Variants in KIAA0825 observed in about 807,000 individuals in gnomAD.
The protein encoded by KIAA0825 is uncharacterized protein KIAA0825.
KIAA0825 carries 119 observed loss-of-function variants against 147.6 expected under a neutral mutation model. The ratio of observed to expected loss-of-function variants is 0.81; its 90% CI spans 0.69 to 0.94. The LOEUF (loss-of-function observed/expected upper bound fraction) is 0.94. Among genes scored for constraint, KIAA0825 ranks in the 40% least tolerant of loss-of-function variants. KIAA0825 has a pLI of 0.00. For synonymous variants in KIAA0825, 470 were observed against 518.1 expected (o/e 0.91, Z 1.26); for missense variants, 1,381 against 1,472.7 (o/e 0.94, Z 1.02).
chr5:94,324,768 A>G (rs1584117128), intron 20 of KIAA0825, among the ~76,000 whole-genome samples: 1 of 151,860 alleles, frequency 6.6e-6, no homozygotes, highest in East Asian at 1.9e-4. Flanking sequence ...TTTAAGCACC[A>G]TATTATAGTC....
chr5:94,353,244 T>G (rs1339210296), intron 20 of KIAA0825, among the ~76,000 whole-genome samples: 1 of 152,192 alleles, frequency 6.6e-6, no homozygotes, highest in East Asian at 1.9e-4. Context: ...CTACTTAACA[T>G]TTTAAAAGAT....
intron 18 of KIAA0825, among the ~76,000 whole-genome samples, chr5:94,389,310 C>T (rs1749588511): frequency 6.6e-6 from 1 of 152,156 alleles, no homozygotes; most frequent in South Asian, 2.1e-4. Context: ...CCTGCCCAGC[C>T]CACTACCATT....
chr5:94,229,564 CT>C (rs1278900040), intron 20 of KIAA0825, among the ~76,000 whole-genome samples: 1 of 136,518 alleles, frequency 7.3e-6, no homozygotes, highest in Admixed American at 7.3e-5. Flanking sequence ...ATTTTCTGTT[CT>C]CTTTTTTTTT....
chr5:94,440,437 A>G (rs929299718), intron 13 of KIAA0825, among the ~76,000 whole-genome samples: 23 of 152,170 alleles, frequency 1.5e-4, no homozygotes, highest in African/African-American at 5.5e-4. Context: ...CATTTTTTGA[A>G]TGCATTCATT....
At chr5:94,539,298 C>T (rs1297895169) in intron 2 of KIAA0825, among the ~76,000 whole-genome samples, 2 of 152,302 alleles carry the variant, frequency 1.3e-5, no homozygotes, top group South Asian at 2.1e-4. Flanking sequence ...GCCCATGGGG[C>T]TGCTCTGTCT....
intron 2 of KIAA0825, among the ~76,000 whole-genome samples, chr5:94,564,260 A>G (rs532893108): frequency 8.2e-6 from 1 of 121,260 alleles, no homozygotes; most frequent in Non-Finnish European, 1.6e-5. Flanking sequence ...TCTGTCACCC[A>G]GGCTGGAATG....
intron 20 of KIAA0825, among the ~76,000 whole-genome samples, chr5:94,351,986 T>C (rs1321190018): frequency 6.6e-6 from 1 of 152,076 alleles, no homozygotes; most frequent in Non-Finnish European, 1.5e-5. Flanking sequence ...GAAGATAACA[T>C]TGGAAAAAAC....
At chr5:94,205,411 C>T (rs1317165734) in intron 20 of KIAA0825, among the ~76,000 whole-genome samples, 3 of 151,074 alleles carry the variant, frequency 2.0e-5, no homozygotes, top group Admixed American at 6.6e-5. Context: ...ATGCCATTCT[C>T]CTGCCTCAGC....
At chr5:94,524,226 G>A in intron 3 of KIAA0825, 128 bp from the exon 4 acceptor site, 1 of 483,686 alleles carries the variant, frequency 2.1e-6, no homozygotes, top group Non-Finnish European at 3.5e-6. Flanking sequence ...TCATTCATAT[G>A]ATATGAAAAT....
At chr5:94,410,730 A>C (rs1413059077) in intron 15 of KIAA0825, among the ~76,000 whole-genome samples, 5 of 152,192 alleles carry the variant, frequency 3.3e-5, no homozygotes, top group African/African-American at 1.2e-4. Flanking sequence ...AAGAACAAAA[A>C]AATTCTGAAC....
intron 20 of KIAA0825, among the ~76,000 whole-genome samples, chr5:94,216,774 AT>A (rs1314853031): frequency 2.0e-5 from 3 of 152,042 alleles, no homozygotes; most frequent in Admixed American, 6.6e-5. Context: ...TAGCTTCCTA[AT>A]TTTTTTTCAC....
chr5:94,612,719 T>C (rs1272224092), intron 1 of KIAA0825, among the ~76,000 whole-genome samples: 2 of 152,156 alleles, frequency 1.3e-5, no homozygotes, highest in African/African-American at 2.4e-5. Context: ...ATTTTACAAA[T>C]AATGAAACAG....
chr5:94,204,326 C>T (rs546789155), intron 20 of KIAA0825, among the ~76,000 whole-genome samples: 7 of 152,144 alleles, frequency 4.6e-5, no homozygotes, highest in Admixed American at 4.6e-4. Context: ...AAGTAGTTAC[C>T]CAAGACAATG....
intron 1 of KIAA0825, among the ~76,000 whole-genome samples, chr5:94,599,142 ATT>A (rs1785859275): frequency 6.6e-6 from 1 of 151,894 alleles, no homozygotes; most frequent in African/African-American, 2.4e-5. Context: ...AGCATTTGGT[ATT>A]TTTTGTCTTT....
chr5:94,545,229 G>A (rs866580934), intron 2 of KIAA0825, among the ~76,000 whole-genome samples: 5 of 152,246 alleles, frequency 3.3e-5, no homozygotes, highest in Middle Eastern at 3.4e-3. Context: ...TGCAATCGTT[G>A]CCACCACAGG....
intron 10 of KIAA0825, among the ~76,000 whole-genome samples, chr5:94,467,231 T>C (rs1760662487): frequency 6.6e-6 from 1 of 152,248 alleles, no homozygotes; most frequent in Non-Finnish European, 1.5e-5. Context: ...ACAACTTCAA[T>C]GTATGCAAGG....
intron 20 of KIAA0825, among the ~76,000 whole-genome samples, chr5:94,195,481 A>T (rs1433742718): frequency 6.6e-6 from 1 of 152,222 alleles, no homozygotes; most frequent in African/African-American, 2.4e-5. Flanking sequence ...GTGTGTGTGC[A>T]ATTAAAACAG....
Position 94,249,884 on chromosome 5 carries a change from G to A in KIAA0825, c.3711-95760C>T, listed in dbSNP as rs144928904. Among the ~76,000 whole-genome samples the A allele has an allele frequency of 6.4e-3, 969 of 151,204 alleles. 4 individuals carry two copies. The highest frequency in any genetic ancestry group is 0.021 in the Middle Eastern group (6 of 292). On this transcript the variant is annotated intron_variant, in intron 20 of 20. Coordinates refer to ENST00000682413, the MANE Select transcript of KIAA0825 (RefSeq NM_001145678.3). ...TTAAAATGTAAATTCCACAACAGGA[G>A]GACTTTATCTTGTTCACTCTGTCTT...
intron 20 of KIAA0825, among the ~76,000 whole-genome samples, chr5:94,221,928 A>G (rs969265026): frequency 1.3e-5 from 2 of 151,888 alleles, no homozygotes; most frequent in African/African-American, 4.8e-5. Context: ...ATCAAGGCCC[A>G]TTTTTTTCTC....
Sources: gnomAD v4.1 joint callset for allele counts (sites outside exome capture counted in the v4.1 genomes callset) on GRCh38, gnomAD v4.1.1 for gene constraint, MANE v1.5 for transcripts, NCBI Gene and HGNC (gene_info 2026-07-23, HGNC 2026-07-21) for gene names.